TMED3: variants seen among roughly 807,000 people sequenced by gnomAD.
TMED3 encodes the protein transmembrane p24 trafficking protein 3.
TMED3 carries 9 observed loss-of-function variants against 15.0 expected under a neutral mutation model. The ratio of observed to expected loss-of-function variants is 0.60; its 90% CI spans 0.36 to 1.04. The LOEUF (loss-of-function observed/expected upper bound fraction) is 1.04, where lower values mean the gene tolerates loss of function less well. TMED3 is among the 50% of genes least tolerant of loss of function. The pLI is 0.01. For missense variants in TMED3, 267 were observed against 278.9 expected (o/e 0.96, Z 0.30); for synonymous variants, 117 against 121.4 (o/e 0.96, Z 0.24).
Position 79,358,623 on chromosome 15 carries a change from G to A in TMED3, c.417+44618G>A, listed in dbSNP as rs147841344. On this transcript the variant is annotated intron_variant, in intron 2 of 2. Transcript: ENST00000424155. ...AGGCCCATCCCGAAGGAGATCACGG[G>A]TCCACCCTAGGACCTCTGACCACTG... Among the ~76,000 whole-genome samples the A allele has an allele frequency of 4.8e-3, 732 of 152,254 alleles. 9 individuals are homozygous for A. Among genetic ancestry groups the A allele is most frequent in the African/African-American group, 0.017 (705 of 41,536 alleles).
chr15:79,368,918 T>C (rs1395779907), intron 2 of TMED3, among the ~76,000 whole-genome samples: 1 of 151,662 alleles, frequency 6.6e-6, no homozygotes, highest in African/African-American at 2.4e-5. Flanking sequence ...TGAAACCCCA[T>C]CTCTACTAAA....
At chr15:79,360,779 A>G (rs1413053162) in intron 2 of TMED3, among the ~76,000 whole-genome samples, 1 of 152,226 alleles carries the variant, frequency 6.6e-6, no homozygotes, top group Non-Finnish European at 1.5e-5. Flanking sequence ...ACAATAGTGG[A>G]ACATTGATTT....
chr15:79,352,904 CATATAATATATATAAAATAT>C (rs1464516642), intron 2 of TMED3, among the ~76,000 whole-genome samples: 1 of 87,910 alleles, frequency 1.1e-5, no homozygotes, highest in Non-Finnish European at 2.2e-5. Context: ...ATAAAATATA[CATATAATATATATAAAATAT>C]ATATAATATA....
At chr15:79,329,302 G>A (rs1049293337) in intron 2 of TMED3, among the ~76,000 whole-genome samples, 8 of 152,178 alleles carry the variant, frequency 5.3e-5, no homozygotes, top group African/African-American at 1.4e-4. Context: ...TAGACTGCAG[G>A]GGATACAACA....
intron 2 of TMED3, among the ~76,000 whole-genome samples, chr15:79,402,090 G>A (rs1384542939): frequency 6.6e-6 from 1 of 152,208 alleles, no homozygotes; most frequent in Non-Finnish European, 1.5e-5. Context: ...AGGAGGAAGG[G>A]AAAGGGAGCG....
At chr15:79,320,515 T>A (rs1280975829) in intron 2 of TMED3, among the ~76,000 whole-genome samples, 1 of 152,106 alleles carries the variant, frequency 6.6e-6, no homozygotes, top group Non-Finnish European at 1.5e-5. Flanking sequence ...GGTCACAGAG[T>A]GACTTGGTCT....
chr15:79,339,772 T>G (rs774898183), intron 2 of TMED3, among the ~76,000 whole-genome samples: 44 of 151,460 alleles, frequency 2.9e-4, no homozygotes, highest in Non-Finnish European at 5.8e-4. Context: ...TATGGTGGTG[T>G]TGATGGTGGT....
chr15:79,383,024 A>T, intron 2 of TMED3: 1 of 1,535,434 alleles, frequency 6.5e-7, no homozygotes, highest in Admixed American at 2.0e-5. Flanking sequence ...TGTGATCACC[A>T]TCTGGGATCT....
chr15:79,350,263 T>C (rs945348858), intron 2 of TMED3, among the ~76,000 whole-genome samples: 1 of 152,198 alleles, frequency 6.6e-6, no homozygotes, highest in Admixed American at 6.5e-5. Context: ...AGTAACAGGA[T>C]ATATGTATAT....
intron 2 of TMED3, among the ~76,000 whole-genome samples, chr15:79,406,422 C>T (rs368851926): frequency 2.0e-5 from 3 of 152,186 alleles, no homozygotes; most frequent in East Asian, 3.9e-4. Flanking sequence ...TGGGCCAGGG[C>T]ATCACATGAC....
rs150075084 is a variant in TMED3, at chr15:79,311,351, G to A, written c.102G>A (p.Pro34=). 4 of 1,611,842 alleles carry A rather than the reference G, an allele frequency of 2.5e-6. No homozygotes were observed. Among genetic ancestry groups the A allele is most frequent in the African/African-American group, 2.7e-5 (2 of 74,978 alleles). Residue 34 remains proline, a synonymous_variant, in exon 1 of 3, where the codon CCG becomes CCA. Coordinates refer to ENST00000299705, the MANE Select transcript of TMED3 (RefSeq NM_007364.4). ...GGGCCGAGCTCACCTTCGAGCTGCC[G>A]GACAACGCCAAGCAGTGCTTCCACG... ...PCGAELTFEL[P]DNAKQCFHEE...
chr15:79,401,588 G>A (rs1222442937), intron 2 of TMED3, among the ~76,000 whole-genome samples: 1 of 152,096 alleles, frequency 6.6e-6, no homozygotes, highest in Non-Finnish European at 1.5e-5. Context: ...CCCCAACTAT[G>A]AATTATCTGT....
chr15:79,355,604 A>G (rs994228802), intron 2 of TMED3, among the ~76,000 whole-genome samples: 11 of 152,202 alleles, frequency 7.2e-5, no homozygotes, highest in Non-Finnish European at 1.3e-4. Flanking sequence ...TTAAGCATCC[A>G]TCCTTGGCTT....
At chr15:79,333,873 C>T (rs1021379719) in intron 2 of TMED3, among the ~76,000 whole-genome samples, 1 of 152,054 alleles carries the variant, frequency 6.6e-6, no homozygotes, top group Non-Finnish European at 1.5e-5. Context: ...GTAGATTCTC[C>T]TTCAAACATG....
chr15:79,375,242 T>C (rs1482303701), intron 2 of TMED3, among the ~76,000 whole-genome samples: 2 of 152,142 alleles, frequency 1.3e-5, no homozygotes, highest in Non-Finnish European at 2.9e-5. Flanking sequence ...GTCTGTCCCA[T>C]GCTCCTCAGG....
intron 2 of TMED3, among the ~76,000 whole-genome samples, chr15:79,321,645 G>C (rs150132710): frequency 1.3e-5 from 2 of 152,140 alleles, no homozygotes; most frequent in Non-Finnish European, 2.9e-5. Context: ...ATAAGCCCTC[G>C]TTAACAGTGA....
intron 2 of TMED3, among the ~76,000 whole-genome samples, chr15:79,394,538 C>T (rs997118874): frequency 1.3e-5 from 2 of 152,236 alleles, no homozygotes; most frequent in South Asian, 4.1e-4. Context: ...GGCTGGCATT[C>T]CAGTCTGAGT....
At chr15:79,358,000 G>A (rs1028203811) in intron 2 of TMED3, among the ~76,000 whole-genome samples, 2 of 152,140 alleles carry the variant, frequency 1.3e-5, no homozygotes, top group African/African-American at 2.4e-5. Context: ...TAATGTACCC[G>A]TCTCGGCTTC....
chr15:79,313,690 T>C, intron 1 of TMED3, 67 bp from the exon 2 acceptor site: 1 of 1,551,996 alleles, frequency 6.4e-7, no homozygotes, highest in Non-Finnish European at 8.7e-7. Context: ...CTGATCACAG[T>C]GTCTGGTTGG....
Sources: allele counts gnomAD v4.1 joint callset (sites outside exome capture counted in the v4.1 genomes callset), GRCh38; gene constraint gnomAD v4.1.1; transcripts MANE v1.5; gene names NCBI Gene and HGNC (gene_info 2026-07-23, HGNC 2026-07-21).